The following ZNF486 variants were observed in gnomAD, a reference collection of about 807,000 sequenced individuals.
The protein encoded by ZNF486 is zinc finger protein 486.
ZNF486 carries 12 observed loss-of-function variants against 12.8 expected under a neutral mutation model. The observed-to-expected ratio is 0.94, with a 90% CI of 0.60 to 1.52. The LOEUF is 1.52. Among genes scored for constraint, ZNF486 ranks in the 40% most tolerant of loss-of-function variants. ZNF486 has a pLI of 0.00. For missense variants in ZNF486, 738 were observed against 545.0 expected, an observed-to-expected ratio of 1.35 and a Z score of -3.53; for synonymous variants, 231 against 184.9, an observed-to-expected ratio of 1.25 and a Z score of -2.02.
At chr19:20,187,705 G>C (rs370542592) in intron 3 of ZNF486, among the ~76,000 whole-genome samples, 1 of 151,768 alleles carries the variant, frequency 6.6e-6, no homozygotes, top group African/African-American at 2.4e-5. Flanking sequence ...GGGTTTCACC[G>C]TGTTAGCCAG....
At position 20,200,401 on chromosome 19, in the gene ZNF486, A is replaced by G. The variant is rs2090001893; in HGVS notation, c.*2299A>G. Reference sequence around the variant, plus strand: ...ACTTTTCTACATTATAGTGCAAGAAATAATTATTGATAAAAGTATATTAAA... The same window carrying G: ...ACTTTTCTACATTATAGTGCAAGAAGTAATTATTGATAAAAGTATATTAAA... On this transcript the variant is annotated 3_prime_UTR_variant, in exon 4 of 4. Coordinates refer to ENST00000335117, the MANE Select transcript of ZNF486 (RefSeq NM_052852.4). The G allele has an allele frequency of 2.6e-5, 4 of 152,306 alleles. No individual in the cohort carries two copies. In the South Asian group the frequency reaches 8.3e-4, roughly 32 times the overall value. 9.4% of individuals were successfully genotyped at this position (152,306 alleles called of 1,614,324 possible).
At chr19:20,188,794 G>A (rs782524993) in intron 3 of ZNF486, 4 of 223,852 alleles carry the variant, frequency 1.8e-5, no homozygotes, top group East Asian at 9.0e-5. Context: ...TCTCACCCTC[G>A]ACAGACAAAC....
intron 3 of ZNF486, among the ~76,000 whole-genome samples, chr19:20,191,674 G>A (rs1309788172): frequency 1.3e-5 from 2 of 152,022 alleles, no homozygotes; most frequent in African/African-American, 4.8e-5. Flanking sequence ...GGAGGCTGAG[G>A]CAGGAGAATG....
chr19:20,189,830 T>C (rs536402101), intron 3 of ZNF486, among the ~76,000 whole-genome samples: 161 of 151,142 alleles, frequency 1.1e-3, no homozygotes, highest in African/African-American at 3.8e-3. Flanking sequence ...TCTAGTGTAG[T>C]TAAACTTTTC....
At chr19:20,191,489 G>C (rs970346579) in intron 3 of ZNF486, among the ~76,000 whole-genome samples, 1 of 149,510 alleles carries the variant, frequency 6.7e-6, no homozygotes, top group Non-Finnish European at 1.5e-5. Flanking sequence ...TATGCACTCG[G>C]CTGGGGGCGG....
At chr19:20,180,454 T>C (rs836896) in intron 1 of ZNF486, among the ~76,000 whole-genome samples, 55,924 of 152,102 alleles carry the variant, frequency 0.37, 14,290 homozygotes, top group African/African-American at 0.72. Context: ...AATTGTGCAT[T>C]GTATGGTTGG....
intron 1 of ZNF486, among the ~76,000 whole-genome samples, chr19:20,182,685 A>G (rs1401993886): frequency 1.3e-5 from 2 of 152,124 alleles, no homozygotes; most frequent in African/African-American, 4.8e-5. Flanking sequence ...AGGAAATGAG[A>G]AACTTATATT....
At chr19:20,177,886 C>A (rs181477684) in intron 1 of ZNF486, among the ~76,000 whole-genome samples, 79 of 148,238 alleles carry the variant, frequency 5.3e-4, no homozygotes, top group Non-Finnish European at 1.0e-3. Context: ...AAAACGTTTT[C>A]TTTCTGTTCT....
chr19:20,188,437 A>G lies in ZNF486; in HGVS notation c.253+2355A>G, dbSNP rs958699991. On this transcript the variant is annotated intron_variant, in intron 3 of 3. Coordinates refer to ENST00000335117, the MANE Select transcript of ZNF486 (RefSeq NM_052852.4). ...TGTGGCTCCCATCTGTAATCCCAGG[A>G]TTTTGGGAGGCCAACACAGGAGGAT... 2.5e-5 allele frequency: 10 copies of G among 398,376 alleles called. 1 individual carries two copies. Among genetic ancestry groups the G allele is most frequent in the Admixed American group, 1.8e-4 (4 of 22,686 alleles). The allele number at this position is 398,376 out of a possible 1,614,324, so 24.7% of individuals were successfully genotyped here. A position where few individuals can be genotyped will look rare whatever the true frequency, so the allele number is the denominator to read the frequency against.
chr19:20,171,905 G>C (rs555999699), intron 1 of ZNF486, among the ~76,000 whole-genome samples: 1 of 151,488 alleles, frequency 6.6e-6, no homozygotes, highest in South Asian at 2.1e-4. Context: ...AGTGTCTGTT[G>C]TTCTCCTCTT....
chr19:20,168,264 C>T (rs1223199918), intron 1 of ZNF486, among the ~76,000 whole-genome samples: 3 of 152,134 alleles, frequency 2.0e-5, no homozygotes, highest in Non-Finnish European at 4.4e-5. Flanking sequence ...GAGGCTGAGG[C>T]ACGAGAATTG....
intron 3 of ZNF486, among the ~76,000 whole-genome samples, chr19:20,186,692 A>C (rs1304636589): frequency 6.6e-6 from 1 of 151,982 alleles, no homozygotes; most frequent in Non-Finnish European, 1.5e-5. Flanking sequence ...ATACCACTGC[A>C]ATTTTGATAG....
intron 1 of ZNF486, 91 bp from the exon 2 acceptor site, chr19:20,184,265 A>G (rs1380171563): frequency 6.3e-7 from 1 of 1,575,196 alleles, no homozygotes; most frequent in Non-Finnish European, 8.6e-7. Flanking sequence ...TATAAGTAAG[A>G]ATCAGTTCTC....
At chr19:20,181,262 G>A (rs1205872986) in intron 1 of ZNF486, among the ~76,000 whole-genome samples, 1 of 151,632 alleles carries the variant, frequency 6.6e-6, no homozygotes, top group Non-Finnish European at 1.5e-5. Flanking sequence ...AAAATAGTCC[G>A]GGCGCGGTGG....
chr19:20,194,597 G>A (rs571367196), intron 3 of ZNF486, among the ~76,000 whole-genome samples: 56 of 152,132 alleles, frequency 3.7e-4, no homozygotes, highest in African/African-American at 9.2e-4. Flanking sequence ...GCATGGTGGC[G>A]CACGCCTGTA....
intron 3 of ZNF486, among the ~76,000 whole-genome samples, chr19:20,194,175 T>TA (rs1475676424): frequency 6.6e-6 from 1 of 152,226 alleles, no homozygotes; most frequent in Admixed American, 6.5e-5. Flanking sequence ...TCCAGAAAGT[T>TA]ATGTATTTTC....
intron 3 of ZNF486, among the ~76,000 whole-genome samples, chr19:20,187,566 G>A (rs1373745514): frequency 6.8e-6 from 1 of 146,298 alleles, no homozygotes; most frequent in Non-Finnish European, 1.5e-5. Flanking sequence ...CAGTGGTGCA[G>A]TCTCAGCTCA....
intron 1 of ZNF486, among the ~76,000 whole-genome samples, chr19:20,181,569 G>C (rs868928960): frequency 6.7e-6 from 1 of 150,146 alleles, no homozygotes; most frequent in Admixed American, 6.6e-5. Context: ...GAAAAATAAA[G>C]TACGTATTTT....
intron 1 of ZNF486, among the ~76,000 whole-genome samples, chr19:20,180,781 C>T (rs1157674224): frequency 6.6e-6 from 1 of 152,154 alleles, no homozygotes; most frequent in Non-Finnish European, 1.5e-5. Context: ...ACCTTGGCCT[C>T]ACAAAGTGTT....
Sources: allele counts gnomAD v4.1 joint callset (sites outside exome capture counted in the v4.1 genomes callset), GRCh38; gene constraint gnomAD v4.1.1; transcripts MANE v1.5; gene names NCBI Gene and HGNC (gene_info 2026-07-23, HGNC 2026-07-21).